PKD1L1: variants seen among roughly 807,000 people sequenced by gnomAD.
PKD1L1 encodes polycystin 1 like 1, transient receptor potential channel interacting, also known as polycystin-1-like protein 1.
PKD1L1 carries 236 observed loss-of-function variants against 323.4 expected under a neutral mutation model. The ratio of observed to expected loss-of-function variants is 0.73; its 90% CI spans 0.66 to 0.81. The LOEUF (loss-of-function observed/expected upper bound fraction) is 0.81. PKD1L1 is among the 40% of genes least tolerant of loss of function. PKD1L1 has a pLI of 0.00. For missense variants in PKD1L1, 3,320 were observed against 3,508.0 expected, an observed-to-expected ratio of 0.95 and a Z score of 1.35; for synonymous variants, 1,344 against 1,335.0, an observed-to-expected ratio of 1.01 and a Z score of -0.15.
chr7:47,878,659 T>G, intron 21 of PKD1L1, among the ~76,000 whole-genome samples: 1 of 151,788 alleles, frequency 6.6e-6, no homozygotes, highest in Middle Eastern at 3.4e-3. Context: ...CACATTTGAG[T>G]GAGGAGTCTT....
intron 28 of PKD1L1, among the ~76,000 whole-genome samples, chr7:47,856,536 T>C (rs955607738): frequency 2.6e-5 from 4 of 152,310 alleles, no homozygotes; most frequent in African/African-American, 7.2e-5. Context: ...ATTTTCCTAG[T>C]GTAGATTCTT....
chr7:47,918,673 C>T (rs1787477726), intron 7 of PKD1L1, among the ~76,000 whole-genome samples: 1 of 152,140 alleles, frequency 6.6e-6, no homozygotes, highest in Non-Finnish European at 1.5e-5. Flanking sequence ...AGCACTCTCT[C>T]AGACCACAGT....
chr7:47,920,699 G>C (rs1479009253), intron 7 of PKD1L1, among the ~76,000 whole-genome samples: 1 of 152,126 alleles, frequency 6.6e-6, no homozygotes, highest in Non-Finnish European at 1.5e-5. Context: ...TAAGCACACA[G>C]ACCAATGGAA....
intron 22 of PKD1L1, 109 bp downstream of exon 22, chr7:47,877,380 A>G: frequency 7.0e-7 from 1 of 1,438,818 alleles, no homozygotes; most frequent in Non-Finnish European, 9.5e-7. Flanking sequence ...GAAATCCTTC[A>G]CAGGTGGGAA....
intron 15 of PKD1L1, among the ~76,000 whole-genome samples, chr7:47,893,374 A>T (rs1786865639): frequency 6.6e-6 from 1 of 152,012 alleles, no homozygotes; most frequent in Non-Finnish European, 1.5e-5. Flanking sequence ...GCCGGGACTC[A>T]CAGCCCAGAG....
the PKD1L1 span, among the ~76,000 whole-genome samples, chr7:47,955,385 T>C: frequency 6.6e-6 from 1 of 152,214 alleles, no homozygotes. Context: ...AATAATTTAC[T>C]TTATTACAAA....
intron 1 of PKD1L1, among the ~76,000 whole-genome samples, chr7:47,944,753 C>T (rs1332684893): frequency 2.0e-5 from 3 of 152,230 alleles, no homozygotes. Flanking sequence ...CAGAGATCAT[C>T]GTGGGTCATC....
chr7:47,880,267 TATATATATATATA>T (rs1786515474), intron 21 of PKD1L1, among the ~76,000 whole-genome samples: 5 of 77,500 alleles, frequency 6.5e-5, no homozygotes, highest in African/African-American at 2.9e-4. Flanking sequence ...TATATATACA[TATATATATATATA>T]TATATTTTTT....
At position 47,877,474 on chromosome 7, in the gene PKD1L1, G is replaced by A. The variant is rs549112433; in HGVS notation, c.3663+15C>T. The A allele has an allele frequency of 1.6e-5, 26 of 1,613,162 alleles. No individual in the cohort carries two copies. The Admixed American group carries it at 2.2e-4, about 13-fold the overall frequency. Reference sequence around the variant, plus strand: ...TCGGGGGTCTCTCAGGACAGACATGGGGTTGTCCACGTACCGGTTTTCCAG... The same window carrying A: ...TCGGGGGTCTCTCAGGACAGACATGAGGTTGTCCACGTACCGGTTTTCCAG... On this transcript the variant is annotated intron_variant, in intron 22 of 56. Coordinates refer to ENST00000289672, the MANE Select transcript of PKD1L1 (RefSeq NM_138295.5).
chr7:47,862,167 CT>C (rs1327095259), intron 26 of PKD1L1, among the ~76,000 whole-genome samples: 18 of 151,978 alleles, frequency 1.2e-4, no homozygotes, highest in African/African-American at 4.4e-4. Flanking sequence ...TACACTCCAG[CT>C]TGGGCGACAG....
chr7:47,821,494 C>A (rs1584968313), intron 45 of PKD1L1, among the ~76,000 whole-genome samples: 1 of 151,996 alleles, frequency 6.6e-6, no homozygotes, highest in East Asian at 1.9e-4. Flanking sequence ...GTCTAGAACT[C>A]CTGACCTCAG....
At chr7:47,862,892 T>C (rs1185543234) in intron 26 of PKD1L1, among the ~76,000 whole-genome samples, 1 of 152,166 alleles carries the variant, frequency 6.6e-6, no homozygotes, top group Non-Finnish European at 1.5e-5. Context: ...CGGGGAGTGC[T>C]GAGCAGGAGA....
At chr7:47,960,377 TAA>T in the PKD1L1 span, among the ~76,000 whole-genome samples, 4 of 89,530 alleles carry the variant, frequency 4.5e-5, no homozygotes, top group South Asian at 7.6e-4. Flanking sequence ...AAAAAAAAAT[TAA>T]AAAAAAAAAA....
intron 7 of PKD1L1, among the ~76,000 whole-genome samples, chr7:47,926,861 G>A (rs1241353277): frequency 1.3e-5 from 2 of 152,162 alleles, no homozygotes; most frequent in African/African-American, 4.8e-5. Context: ...AACAAGGGAT[G>A]CCAGCAAACG....
In PKD1L1 at chr7:47,874,572, G is replaced by A. The variant is rs543582085; in HGVS notation, c.3785-562C>T. Among the ~76,000 whole-genome samples, 38 of 152,318 alleles carry A rather than the reference G, an allele frequency of 2.5e-4. 1 individual carries two copies. The highest frequency in any genetic ancestry group is 8.2e-4 in the African/African-American group (34 of 41,572). On this transcript the variant is annotated intron_variant, in intron 23 of 56. Coordinates refer to ENST00000289672, the MANE Select transcript of PKD1L1 (RefSeq NM_138295.5). ...GTCTATGGACACTTGCAGCCCAAGC[G>A]CCAGGCATCTCGTCTACAAGCAAAT...
chr7:47,900,253 G>A (rs576253614), intron 13 of PKD1L1, among the ~76,000 whole-genome samples: 1 of 152,280 alleles, frequency 6.6e-6, no homozygotes, highest in African/African-American at 2.4e-5. Context: ...AATGCCTAGT[G>A]AGAGTGAGAG....
chr7:47,933,268 G>A (rs1163127863), intron 4 of PKD1L1, among the ~76,000 whole-genome samples: 1 of 152,128 alleles, frequency 6.6e-6, no homozygotes, highest in African/African-American at 2.4e-5. Flanking sequence ...GTTCAACAAT[G>A]TATAGCCAAT....
In PKD1L1 at chr7:47,943,508, A is replaced by G; in HGVS notation, c.48T>C (p.Cys16=). ...AQNISDDQER[C]LQAACCLSFG... is the part of the protein sequence containing the mutation. ...AGGAAAGGCAGCAGGCAGCCTGGAG[A>G]CACCTAAGGGAAAGAAAATAACCAG... Residue 16 remains cysteine (C), a synonymous_variant, in exon 2 of 57, where the codon TGT becomes TGC. Coordinates refer to ENST00000289672, the MANE Select transcript of PKD1L1 (RefSeq NM_138295.5). 1 of 1,611,908 alleles carries G rather than the reference A, an allele frequency of 6.2e-7. No homozygotes were observed. The highest frequency in any genetic ancestry group is 8.5e-7 in the Non-Finnish European group (1 of 1,178,406).
At chr7:47,886,653 C>T (rs1182802470) in intron 17 of PKD1L1, among the ~76,000 whole-genome samples, 1 of 152,138 alleles carries the variant, frequency 6.6e-6, no homozygotes, top group Non-Finnish European at 1.5e-5. Context: ...CGCCTCACTC[C>T]TTCTCTCACC....
Sources: allele counts gnomAD v4.1 joint callset (sites outside exome capture counted in the v4.1 genomes callset), GRCh38; gene constraint gnomAD v4.1.1; transcripts MANE v1.5; gene names NCBI Gene and HGNC (gene_info 2026-07-23, HGNC 2026-07-21).